CADM4: variants seen among roughly 807,000 people sequenced by gnomAD.
CADM4 encodes TSLC1-like 2.
In CADM4, 13 loss-of-function variants were observed where a neutral mutation model predicts 43.9. The ratio of observed to expected loss-of-function variants is 0.30; its 90% CI spans 0.19 to 0.47. The LOEUF (loss-of-function observed/expected upper bound fraction) is 0.47, where lower values mean the gene tolerates loss of function less well. Among genes scored for constraint, CADM4 ranks in the 20% least tolerant of loss-of-function variants. CADM4 has a pLI of 1.00. For missense variants in CADM4, 420 were observed against 527.0 expected, an observed-to-expected ratio of 0.80 and a Z score of 1.99; for synonymous variants, 209 against 220.9, an observed-to-expected ratio of 0.95 and a Z score of 0.48.
intron 1 of CADM4, among the ~76,000 whole-genome samples, chr19:43,636,050 C>A (rs1294991373): frequency 6.6e-6 from 1 of 151,878 alleles, no homozygotes; most frequent in Non-Finnish European, 1.5e-5. Context: ...GGCCCCCAGC[C>A]CCTCCTCCAT....
In CADM4 at chr19:43,623,454, G is replaced by C. The variant is rs1298825405; in HGVS notation, c.1058-15C>G. The C allele has an allele frequency of 1.3e-6, 2 of 1,523,884 alleles. No individual in the cohort carries two copies. The highest frequency in any genetic ancestry group is 1.8e-6 in the Non-Finnish European group (2 of 1,097,976). 94.4% of individuals were successfully genotyped at this position (1,523,884 alleles called of 1,614,324 possible). On this transcript the variant is annotated splice_polypyrimidine_tract_variant and intron_variant, in intron 8 of 8. Transcript: ENST00000222374. The surrounding 1 kb of genome is among the most constrained non-coding windows in gnomAD (Gnocchi z 4.4). ...CAGATAGGAACCTGAGGGGGTGACA[G>C]ACCCCCGGGGCAGGGGGGACATATT...
chr19:43,632,287 C>T (rs1237891469), intron 1 of CADM4, among the ~76,000 whole-genome samples: 2 of 152,150 alleles, frequency 1.3e-5, no homozygotes, highest in Admixed American at 6.6e-5. Flanking sequence ...CCTTTGTCTG[C>T]CTCTCCTACC....
At chr19:43,640,822 G>A (rs1271935362), upstream of CADM4, among the ~76,000 whole-genome samples, 2 of 152,028 alleles carry the variant, frequency 1.3e-5, no homozygotes, top group African/African-American at 4.8e-5. Flanking sequence ...CCACTTCTGT[G>A]ACACCCTGTA....
At position 43,623,473 on chromosome 19, in the gene CADM4, A is replaced by G. The variant is rs1252619465; in HGVS notation, c.1058-34T>C. 2 of 1,374,548 alleles carry G rather than the reference A, an allele frequency of 1.5e-6. No homozygotes were observed. Among genetic ancestry groups the G allele is most frequent in the African/African-American group, 1.4e-5 (1 of 70,176 alleles). The allele number at this position is 1,374,548 out of a possible 1,614,324, so 85.1% of individuals were successfully genotyped here. A position where few individuals can be genotyped will look rare whatever the true frequency, so the allele number is the denominator to read the frequency against. ...GTGACAGACCCCCGGGGCAGGGGGG[A>G]CATATTTGTGGATCCAGGAGTTGGA... On this transcript the variant is annotated intron_variant, in intron 8 of 8. Transcript: ENST00000222374. This position sits in a 1 kb window ranked among gnomAD's most constrained non-coding sequence, Gnocchi z 4.4.
chr19:43,631,683 C>A (rs769266168), intron 1 of CADM4, among the ~76,000 whole-genome samples: 20 of 152,152 alleles, frequency 1.3e-4, no homozygotes, highest in Non-Finnish European at 2.5e-4. Flanking sequence ...GTGGACAAAC[C>A]CTTTTTCTAC....
chr19:43,624,251 G>A lies in CADM4; in HGVS notation c.929-9C>T, dbSNP rs1413724830. 5.0e-6 allele frequency: 8 copies of A among 1,614,148 alleles called. No individual in the cohort carries two copies. The highest frequency in any genetic ancestry group is 5.9e-6 in the Non-Finnish European group (7 of 1,180,036). On this transcript the variant is annotated splice_polypyrimidine_tract_variant and intron_variant, in intron 7 of 8. Coordinates refer to ENST00000222374, the MANE Select transcript of CADM4 (RefSeq NM_145296.2). ...TACCACCGCACCAGGGTCTGCCAGA[G>A]GGACACGGCACAGGACCAGGTCATC...
intron 1 of CADM4, among the ~76,000 whole-genome samples, chr19:43,635,203 C>T (rs1292427576): frequency 6.6e-6 from 1 of 152,032 alleles, no homozygotes; most frequent in Non-Finnish European, 1.5e-5. Context: ...GGTCATAGTT[C>T]CGGGAAGGTC....
At position 43,639,421 on chromosome 19, in the gene CADM4, CAGA is replaced by C. The variant is rs374559090; in HGVS notation, c.64+303_64+305del. On this transcript the variant is annotated intron_variant, in intron 1 of 8. Coordinates refer to ENST00000222374, the MANE Select transcript of CADM4 (RefSeq NM_145296.2). ...CGGACAGAGGGACGCAGAGACTGGA[CAGA>C]AGGACAGCGGGACCGGCCTGGGGAG... is the stretch of plus-strand genomic sequence containing the variant. Among the ~76,000 whole-genome samples the C allele has an allele frequency of 8.5e-4, 127 of 150,202 alleles. 3 individuals carry two copies. In the East Asian group the frequency reaches 0.014, roughly 16 times the overall value.
At chr19:43,638,018 A>T (rs142010996) in intron 1 of CADM4, among the ~76,000 whole-genome samples, 2 of 152,322 alleles carry the variant, frequency 1.3e-5, no homozygotes, top group African/African-American at 4.8e-5. Context: ...ATAAAGATAA[A>T]TTAAAATTGA....
intron 1 of CADM4, among the ~76,000 whole-genome samples, chr19:43,635,623 C>G (rs1218578442): frequency 1.3e-5 from 2 of 151,702 alleles, no homozygotes; most frequent in Non-Finnish European, 2.9e-5. Context: ...ACCCAGGGGT[C>G]TAAGACCCCA....
At position 43,623,973 on chromosome 19, in the gene CADM4, T is replaced by C; in HGVS notation, c.1057+141A>G. 1 of 1,022,498 alleles carries C rather than the reference T, an allele frequency of 9.8e-7. No homozygotes were observed. The highest frequency in any genetic ancestry group is 2.5e-5 in the East Asian group (1 of 40,778). The allele number at this position is 1,022,498 out of a possible 1,614,324, so 63.3% of individuals were successfully genotyped here. On this transcript the variant is annotated intron_variant, in intron 8 of 8. Coordinates refer to ENST00000222374, the MANE Select transcript of CADM4 (RefSeq NM_145296.2). This position sits in a 1 kb window ranked among gnomAD's most constrained non-coding sequence, Gnocchi z 4.4. ...GTATTGTGCCGAAAGCCCCGCCCCC[T>C]TTGTCATCTCCGCCCCCGGTGCGGC... is the stretch of plus-strand genomic sequence containing the variant.
Position 43,639,772 on chromosome 19 carries a change from A to G in CADM4, c.19T>C (p.Phe7Leu). 9.8e-7 allele frequency: 1 copy of G among 1,024,040 alleles called. No individual in the cohort carries two copies. Among genetic ancestry groups the G allele is most frequent in the Non-Finnish European group, 1.2e-6 (1 of 853,584 alleles). 63.4% of individuals were successfully genotyped at this position (1,024,040 alleles called of 1,614,324 possible). MGRARR[F>L]QWPLLLLWAA... is the part of the protein sequence containing the mutation. ...CACAGCAGCAGCAGCGGCCACTGGA[A>G]GCGCCGGGCCCGGCCCATGGTGCCG... Residue 7 changes from phenylalanine to leucine, a missense_variant, in exon 1 of 9, where the codon TTC becomes CTC. Coordinates refer to ENST00000222374, the MANE Select transcript of CADM4 (RefSeq NM_145296.2).
At position 43,627,132 on chromosome 19, in the gene CADM4, G is replaced by A. The variant is rs376263325; in HGVS notation, c.364+34C>T. 1.6e-4 allele frequency: 241 copies of A among 1,533,972 alleles called. 1 individual carries two copies. The Middle Eastern group carries it at 2.5e-3, about 16-fold the overall frequency. On this transcript the variant is annotated intron_variant, in intron 3 of 8. Transcript: ENST00000222374. This position sits in a 1 kb window ranked among gnomAD's most constrained non-coding sequence, Gnocchi z 4.0. ...AAGAGAGAAGCAGAGAAGAAAGGAG[G>A]AGAGGATGCGTCTGACAAGGGGGAG...
upstream of CADM4, among the ~76,000 whole-genome samples, chr19:43,641,668 C>T (rs141656481): frequency 4.9e-3 from 745 of 152,324 alleles, 6 homozygotes; most frequent in Middle Eastern, 0.014. Context: ...TCTAACTGCC[C>T]CTGTGTCCCC....
Position 43,626,793 on chromosome 19 carries a change from C to G in CADM4, c.490G>C (p.Glu164Gln). The G allele has an allele frequency of 6.3e-7, 1 of 1,594,958 alleles. No homozygotes were observed. The highest frequency in any genetic ancestry group is 1.1e-5 in the South Asian group (1 of 89,404). The part of the protein sequence containing the change: ...ATLRWYRDRK[E>Q]LKGVSSSQEN... The stretch of plus-strand genomic sequence containing the variant: ...ACTCGGCCCAGGGTACCTTTCAGCT[C>G]CTTGCGGTCCCGGTACCAGCGCAGG... The change falls in exon 4 of 9, where the codon GAG (glutamate) becomes CAG (glutamine). Residue 164 changes from glutamate (E) to glutamine (Q), a missense_variant. Glu to Gln is a conservative substitution (Grantham distance 29, BLOSUM62 2). Transcript: ENST00000222374. This position sits in a 1 kb window ranked among gnomAD's most constrained non-coding sequence, Gnocchi z 5.9.
At chr19:43,635,089 A>C (rs1973682448) in intron 1 of CADM4, among the ~76,000 whole-genome samples, 1 of 147,476 alleles carries the variant, frequency 6.8e-6, no homozygotes, top group Non-Finnish European at 1.5e-5. Flanking sequence ...CCCAGGAGCC[A>C]GGGGTCCAGA....
At position 43,625,842 on chromosome 19, in the gene CADM4, C is replaced by A; in HGVS notation, c.755+69G>T. 1.5e-6 allele frequency: 2 copies of A among 1,346,950 alleles called. No individual in the cohort carries two copies. Among genetic ancestry groups the A allele is most frequent in the South Asian group, 1.2e-5 (1 of 83,726 alleles). 83.4% of individuals were successfully genotyped at this position (1,346,950 alleles called of 1,614,324 possible). ...CTCCTTAGGACCCAGGAGTCCAAGT[C>A]CCTGGTCCCTGTTCTTCCAGGTCCC... On this transcript the variant is annotated intron_variant, in intron 6 of 8. Coordinates refer to ENST00000222374, the MANE Select transcript of CADM4 (RefSeq NM_145296.2). This position sits in a 1 kb window ranked among gnomAD's most constrained non-coding sequence, Gnocchi z 4.5.
chr19:43,626,857 C>A lies in CADM4; in HGVS notation c.426G>T (p.Glu142Asp). The A allele has an allele frequency of 6.2e-7, 1 of 1,610,886 alleles. No individual in the cohort carries two copies. The highest frequency in any genetic ancestry group is 1.3e-5 in the African/African-American group (1 of 74,982). Residue 142 changes from glutamate to aspartate, a missense_variant, in exon 4 of 9, where the codon GAG becomes GAT. Transcript: ENST00000222374. This position sits in a 1 kb window ranked among gnomAD's most constrained non-coding sequence, Gnocchi z 5.9. Reference sequence around the variant, plus strand: ...GGGACCGCGGAACGAGGCAGCTGAGCTCCACCTCGCCGCCCTCTACCGCCT... The same window carrying A: ...GGGACCGCGGAACGAGGCAGCTGAGATCCACCTCGCCGCCCTCTACCGCCT... ...REQAVEGGEV[E>D]LSCLVPRSRP... is the part of the protein sequence containing the mutation.
rs780607433 is a variant in CADM4, at chr19:43,627,619, C to G, written c.211+25G>C. The stretch of plus-strand genomic sequence containing the variant: ...CCCAGCCCTCTCTTCCTTTAAGACT[C>G]CTGAGTCTGGTCCCCAGCACTCACC... On this transcript the variant is annotated intron_variant, in intron 2 of 8. Transcript: ENST00000222374. The surrounding 1 kb of genome is among the most constrained non-coding windows in gnomAD (Gnocchi z 4.0). 1.9e-6 allele frequency: 3 copies of G among 1,604,130 alleles called. No individual in the cohort carries two copies. Among genetic ancestry groups the G allele is most frequent in the Admixed American group, 1.7e-5 (1 of 59,774 alleles).
Sources: allele counts gnomAD v4.1 joint callset (sites outside exome capture counted in the v4.1 genomes callset), GRCh38; gene constraint gnomAD v4.1.1; non-coding constraint Gnocchi (gnomAD v3.1); transcripts MANE v1.5; gene names NCBI Gene and HGNC (gene_info 2026-07-23, HGNC 2026-07-21).